Variants in SLCO2A1 observed in about 807,000 individuals in gnomAD.
SLCO2A1 encodes matrin F/G 1.
In SLCO2A1, 60 loss-of-function variants were observed where a neutral mutation model predicts 71.7. The ratio of observed to expected loss-of-function variants is 0.84; its 90% CI spans 0.68 to 1.04. SLCO2A1 has a LOEUF of 1.04. SLCO2A1 is among the 50% of genes least tolerant of loss of function. SLCO2A1 has a pLI of 0.00. For missense variants in SLCO2A1, 745 were observed against 813.4 expected, an observed-to-expected ratio of 0.92 and a Z score of 1.02; for synonymous variants, 308 against 326.7, an observed-to-expected ratio of 0.94 and a Z score of 0.62.
chr3:133,967,816 C>G (rs1934218629), intron 3 of SLCO2A1, among the ~76,000 whole-genome samples: 1 of 122,140 alleles, frequency 8.2e-6, no homozygotes, highest in South Asian at 2.9e-4. Flanking sequence ...GGCACCCCAC[C>G]CCACCTCCAT....
intron 1 of SLCO2A1, among the ~76,000 whole-genome samples, chr3:134,011,242 G>C (rs1000986157): frequency 6.6e-6 from 1 of 152,130 alleles, no homozygotes; most frequent in Non-Finnish European, 1.5e-5. Flanking sequence ...GTAGAGACGG[G>C]GTTTCACCAT....
chr3:133,948,585 G>A lies in SLCO2A1; in HGVS notation c.1056C>T (p.Phe352=). Residue 352 remains phenylalanine, a synonymous_variant, in exon 8 of 14, where the codon TTC becomes TTT. Coordinates refer to ENST00000310926, the MANE Select transcript of SLCO2A1 (RefSeq NM_005630.3). ...CTGAGGTGCCATACTGCTTCTCCAG[G>A]AACTTGTTGAGGAAGGTGGAGAGGC... is the stretch of plus-strand genomic sequence containing the variant. The part of the protein sequence containing the change: ...IAGLSTFLNK[F]LEKQYGTSAA... 1.2e-6 allele frequency: 2 copies of A among 1,614,162 alleles called. No homozygotes were observed. The highest frequency in any genetic ancestry group is 1.7e-6 in the Non-Finnish European group (2 of 1,180,012).
At chr3:133,980,036 C>T (rs779237400) in intron 1 of SLCO2A1, among the ~76,000 whole-genome samples, 1 of 152,166 alleles carries the variant, frequency 6.6e-6, no homozygotes, top group Non-Finnish European at 1.5e-5. Flanking sequence ...GAAGGCCACT[C>T]CCCATCCAAT....
Position 133,971,140 on chromosome 3 carries a change from GC to G in SLCO2A1, c.397+2522del, listed in dbSNP as rs1934311983. 3.9e-5 allele frequency among the ~76,000 whole-genome samples: 6 copies of G among 152,324 alleles called. No individual in the cohort carries two copies. The South Asian group carries it at 1.2e-3, about 32-fold the overall frequency. On this transcript the variant is annotated intron_variant, in intron 3 of 13. Coordinates refer to ENST00000310926, the MANE Select transcript of SLCO2A1 (RefSeq NM_005630.3). Reference sequence around the variant, plus strand: ...GGCAGGAGGCCCTCCCCTCGGCCTGGCCACAGTGCCCCAGGCTCCCTTGCTG... The same window carrying G: ...GGCAGGAGGCCCTCCCCTCGGCCTGGCACAGTGCCCCAGGCTCCCTTGCTG...
chr3:133,943,030 T>C (rs574210816), intron 10 of SLCO2A1, among the ~76,000 whole-genome samples: 109 of 152,342 alleles, frequency 7.2e-4, no homozygotes, highest in Middle Eastern at 3.4e-3. Flanking sequence ...TATCTGCCTC[T>C]GGATGCCCAG....
chr3:133,973,860 A>C, intron 2 of SLCO2A1, 35 bp from the exon 3 acceptor site: 1 of 1,593,238 alleles, frequency 6.3e-7, no homozygotes, highest in Non-Finnish European at 8.6e-7. Flanking sequence ...GTGAGACAAG[A>C]GGCCCTGTCC....
At chr3:134,004,093 CGTGTGTGTGTGTGTGTGTGT>C (rs71139603) in intron 1 of SLCO2A1, among the ~76,000 whole-genome samples, 65 of 149,040 alleles carry the variant, frequency 4.4e-4, no homozygotes, top group East Asian at 1.2e-3. Context: ...TGAATCTCTT[CGTGTGTGTGTGTGTGTGTGT>C]GTGTGTGTGT....
intron 3 of SLCO2A1, among the ~76,000 whole-genome samples, chr3:133,968,730 T>G (rs1934251541): frequency 6.6e-6 from 1 of 152,210 alleles, no homozygotes. Context: ...CCGAAGCCCC[T>G]TCTCTTATCT....
intron 3 of SLCO2A1, among the ~76,000 whole-genome samples, chr3:133,956,770 T>TA (rs890734723): frequency 1.3e-5 from 2 of 152,086 alleles, no homozygotes; most frequent in African/African-American, 4.8e-5. Flanking sequence ...CTTGTTAGAA[T>TA]AAAAAAATAG....
chr3:134,017,328 T>C (rs548055089), intron 1 of SLCO2A1, among the ~76,000 whole-genome samples: 1 of 152,378 alleles, frequency 6.6e-6, no homozygotes, highest in Non-Finnish European at 1.5e-5. Flanking sequence ...ATAAAAAGTT[T>C]TTTTTCAATT....
intron 11 of SLCO2A1, among the ~76,000 whole-genome samples, chr3:133,939,345 G>T (rs1166239481): frequency 6.6e-6 from 1 of 152,184 alleles, no homozygotes; most frequent in Non-Finnish European, 1.5e-5. Context: ...GGAGCCAGCA[G>T]CTGGCCAGCA....
At chr3:133,979,347 G>T in intron 2 of SLCO2A1, 134 bp downstream of exon 2, 1 of 1,139,456 alleles carries the variant, frequency 8.8e-7, no homozygotes, top group Non-Finnish European at 1.3e-6. Context: ...TTGCTGTTTC[G>T]TTTGCTGTTA....
At position 133,938,471 on chromosome 3, in the gene SLCO2A1, A is replaced by G; in HGVS notation, c.1648T>C (p.Ser550Pro). Residue 550 changes from serine (S) to proline (P), a missense_variant, in exon 12 of 14, where the codon TCA (serine) becomes CCA (proline). Transcript: ENST00000310926. ...AAGAACTGCACCCCGATGGCAAATG[A>G]CTTTTCCTCCTGGTTCACCACACTG... ...VLRVVNQEEK[S>P]FAIGVQFLLM... 1.2e-6 allele frequency: 2 copies of G among 1,614,078 alleles called. No individual in the cohort carries two copies. Among genetic ancestry groups the G allele is most frequent in the Non-Finnish European group, 1.7e-6 (2 of 1,179,998 alleles).
chr3:133,979,423 A>C (rs1934532059), intron 2 of SLCO2A1, 58 bp downstream of exon 2: 6 of 1,606,230 alleles, frequency 3.7e-6, no homozygotes, highest in Non-Finnish European at 5.1e-6. Context: ...CTTCTCCTGG[A>C]TCTTGTGGTC....
At chr3:133,959,784 C>A (rs548947935) in intron 3 of SLCO2A1, among the ~76,000 whole-genome samples, 123 of 151,980 alleles carry the variant, frequency 8.1e-4, no homozygotes, top group African/African-American at 2.9e-3. Flanking sequence ...CAAGATCCTG[C>A]CACTGCCTGG....
intron 1 of SLCO2A1, among the ~76,000 whole-genome samples, chr3:134,016,251 T>C (rs1471810645): frequency 6.6e-6 from 1 of 152,040 alleles, no homozygotes; most frequent in East Asian, 1.9e-4. Flanking sequence ...AAATAAGCTA[T>C]AGTCTAGAAG....
intron 1 of SLCO2A1, among the ~76,000 whole-genome samples, chr3:134,029,486 ACACTCGCACG>A (rs771649102): frequency 0.058 from 8,195 of 140,246 alleles, 355 homozygotes; most frequent in East Asian, 0.19. Context: ...ACACACACAC[ACACTCGCACG>A]CACACACACA....
chr3:133,975,298 G>A (rs1934417934), intron 2 of SLCO2A1, among the ~76,000 whole-genome samples: 1 of 152,072 alleles, frequency 6.6e-6, no homozygotes, highest in East Asian at 1.9e-4. Flanking sequence ...CATCCTCCCA[G>A]TGGCTCACAC....
intron 1 of SLCO2A1, among the ~76,000 whole-genome samples, chr3:134,006,760 C>T (rs572322504): frequency 2.6e-4 from 39 of 152,272 alleles, no homozygotes; most frequent in South Asian, 4.1e-4. Context: ...TTTTGGCTAT[C>T]GTGAATGGTG....
Sources: allele counts gnomAD v4.1 joint callset (sites outside exome capture counted in the v4.1 genomes callset), GRCh38; gene constraint gnomAD v4.1.1; transcripts MANE v1.5; gene names NCBI Gene and HGNC (gene_info 2026-07-23, HGNC 2026-07-21).